The following PLCXD3 variants were observed in gnomAD, a reference collection of about 807,000 sequenced individuals.
PLCXD3 encodes phosphatidylinositol specific phospholipase C X domain containing 3.
A neutral mutation model predicts 25.5 loss-of-function variants in PLCXD3; 19 were observed. The ratio of observed to expected loss-of-function variants is 0.75; its 90% CI spans 0.52 to 1.09. The LOEUF is 1.09. Among genes scored for constraint, PLCXD3 ranks in the 50% least tolerant of loss-of-function variants. The pLI is 0.00. For synonymous variants in PLCXD3, 174 were observed against 137.6 expected (o/e 1.26, Z -1.85); for missense variants, 411 against 388.1 (o/e 1.06, Z -0.50).
chr5:41,435,642 G>A (rs1249182745), intron 1 of PLCXD3, among the ~76,000 whole-genome samples: 9 of 152,188 alleles, frequency 5.9e-5, no homozygotes, highest in African/African-American at 1.9e-4. Flanking sequence ...GAAAACAGGT[G>A]GAGAAGCCAT....
intron 1 of PLCXD3, among the ~76,000 whole-genome samples, chr5:41,506,017 C>T (rs1749046198): frequency 6.6e-6 from 1 of 152,192 alleles, no homozygotes; most frequent in Non-Finnish European, 1.5e-5. Context: ...TTTTCTCAAA[C>T]TTTAAATGTG....
intron 2 of PLCXD3, among the ~76,000 whole-genome samples, chr5:41,330,792 T>C (rs572365664): frequency 6.6e-6 from 1 of 152,106 alleles, no homozygotes; most frequent in Non-Finnish European, 1.5e-5. Flanking sequence ...TGGTTCAATA[T>C]ATGCAAATCA....
intron 1 of PLCXD3, among the ~76,000 whole-genome samples, chr5:41,423,668 G>A (rs945910709): frequency 3.3e-5 from 5 of 151,848 alleles, no homozygotes; most frequent in Non-Finnish European, 7.4e-5. Context: ...ATTTCTGGCC[G>A]GGCGTGGTGG....
At position 41,510,556 on chromosome 5, in the gene PLCXD3, C is replaced by A. The variant is rs776901943; in HGVS notation, c.-30G>T. 1.9e-6 allele frequency: 3 copies of A among 1,581,990 alleles called. No homozygotes were observed. The highest frequency in any genetic ancestry group is 1.1e-5 in the South Asian group (1 of 89,676). On this transcript the variant is annotated 5_prime_UTR_variant, in exon 1 of 3. Transcript: ENST00000377801. ...CCAGTCGGCGTGCAGCGCGCTGGTC[C>A]CAGCACTCCTCGGGCAGGCTGGCAG...
chr5:41,415,907 C>G (rs551398586), intron 1 of PLCXD3, among the ~76,000 whole-genome samples: 9 of 152,182 alleles, frequency 5.9e-5, no homozygotes, highest in African/African-American at 2.2e-4. Context: ...TGTAGGGAAA[C>G]TACATATTAT....
intron 1 of PLCXD3, among the ~76,000 whole-genome samples, chr5:41,406,782 C>A (rs1392807936): frequency 6.6e-6 from 1 of 152,126 alleles, no homozygotes; most frequent in Admixed American, 6.6e-5. Flanking sequence ...ATGGTCATTA[C>A]CCTGCCTCAG....
intron 2 of PLCXD3, among the ~76,000 whole-genome samples, chr5:41,350,224 CT>C (rs1744416973): frequency 6.6e-6 from 1 of 152,168 alleles, no homozygotes; most frequent in African/African-American, 2.4e-5. Context: ...ATTCCGTCCT[CT>C]GTTTTCTCAT....
At chr5:41,397,067 A>AC (rs1217563068) in intron 1 of PLCXD3, among the ~76,000 whole-genome samples, 2 of 152,184 alleles carry the variant, frequency 1.3e-5, no homozygotes, top group African/African-American at 4.8e-5. Context: ...GAAAAGGAAA[A>AC]CCCATTTTTT....
At chr5:41,348,996 C>T (rs988721426) in intron 2 of PLCXD3, among the ~76,000 whole-genome samples, 4 of 152,118 alleles carry the variant, frequency 2.6e-5, no homozygotes, top group African/African-American at 7.2e-5. Flanking sequence ...GGATCTAAAA[C>T]CTGCGATTCA....
At chr5:41,488,401 G>C (rs1748570770) in intron 1 of PLCXD3, among the ~76,000 whole-genome samples, 2 of 129,442 alleles carry the variant, frequency 1.5e-5, no homozygotes, top group South Asian at 5.9e-4. Flanking sequence ...GTGTGCATGT[G>C]TCTTTATAGC....
At chr5:41,386,016 ACT>A (rs1283598947) in intron 1 of PLCXD3, among the ~76,000 whole-genome samples, 3 of 152,044 alleles carry the variant, frequency 2.0e-5, no homozygotes, top group African/African-American at 7.2e-5. Flanking sequence ...GTACACAGAA[ACT>A]CTGTGTTGTT....
At chr5:41,384,650 C>G (rs1488671502) in intron 1 of PLCXD3, among the ~76,000 whole-genome samples, 2 of 151,952 alleles carry the variant, frequency 1.3e-5, no homozygotes, top group African/African-American at 4.8e-5. Flanking sequence ...GCTTTAGTTT[C>G]ACCTTTCTAT....
Position 41,312,683 on chromosome 5 carries a change from CCTTT to C in PLCXD3, c.*930_*933del, listed in dbSNP as rs1282190504. The C allele has an allele frequency of 1.3e-5, 1 of 76,870 alleles. No homozygotes were observed. The highest frequency in any genetic ancestry group is 2.7e-5 in the Non-Finnish European group (1 of 36,800). 4.8% of individuals were successfully genotyped at this position (76,870 alleles called of 1,614,324 possible). ...CCCTTCCTCCCTCCCTTCCTTTCTT[CCTTT>C]CCTTCCTTCCTTCCTTCCTTCCTTC... On this transcript the variant is annotated 3_prime_UTR_variant, in exon 3 of 3. Transcript: ENST00000377801.
chr5:41,463,237 A>C (rs1232049047), intron 1 of PLCXD3, among the ~76,000 whole-genome samples: 5 of 151,948 alleles, frequency 3.3e-5, no homozygotes, highest in African/African-American at 1.2e-4. Context: ...CTTCTAGACA[A>C]TAAAAATTTA....
At chr5:41,336,199 T>C (rs1363290959) in intron 2 of PLCXD3, among the ~76,000 whole-genome samples, 3 of 152,130 alleles carry the variant, frequency 2.0e-5, no homozygotes, top group Non-Finnish European at 2.9e-5. Context: ...CATAGTGTTT[T>C]TGTAACAATA....
intron 1 of PLCXD3, among the ~76,000 whole-genome samples, chr5:41,409,704 T>C (rs1433526374): frequency 6.6e-6 from 1 of 152,200 alleles, no homozygotes; most frequent in Non-Finnish European, 1.5e-5. Context: ...TATTGTGCCC[T>C]CAACAAAAGG....
intron 2 of PLCXD3, among the ~76,000 whole-genome samples, chr5:41,354,151 T>G (rs753400850): frequency 2.8e-4 from 43 of 152,252 alleles, no homozygotes; most frequent in Admixed American, 1.0e-3. Context: ...TCTAATTATC[T>G]CTCAATGATA....
chr5:41,376,259 G>A (rs1285635311), intron 2 of PLCXD3, among the ~76,000 whole-genome samples: 1 of 152,058 alleles, frequency 6.6e-6, no homozygotes, highest in Non-Finnish European at 1.5e-5. Context: ...TGTCAGTAGG[G>A]CTGAAGTCAA....
chr5:41,375,685 C>T (rs967337250), intron 2 of PLCXD3, among the ~76,000 whole-genome samples: 1 of 152,138 alleles, frequency 6.6e-6, no homozygotes, highest in African/African-American at 2.4e-5. Context: ...CAAACCTTCT[C>T]TTCTCTTAGC....
Sources: allele counts gnomAD v4.1 joint callset (sites outside exome capture counted in the v4.1 genomes callset), GRCh38; gene constraint gnomAD v4.1.1; transcripts MANE v1.5; gene names NCBI Gene and HGNC (gene_info 2026-07-23, HGNC 2026-07-21).